The following ZFAND4 variants were observed in gnomAD, a reference collection of about 807,000 sequenced individuals.
ZFAND4 encodes zinc finger AN1-type containing 4.
In ZFAND4, 43 loss-of-function variants were observed where a neutral mutation model predicts 64.4. The observed-to-expected ratio is 0.67, with a 90% CI of 0.52 to 0.86. The LOEUF is 0.86. ZFAND4 is among the 40% of genes least tolerant of loss of function. The pLI is 0.00. For synonymous variants in ZFAND4, 296 were observed against 305.7 expected (o/e 0.97, Z 0.33); for missense variants, 929 against 859.8 (o/e 1.08, Z -1.01).
intron 2 of ZFAND4, among the ~76,000 whole-genome samples, chr10:45,656,967 G>C (rs2048165436): frequency 6.6e-6 from 1 of 151,056 alleles, no homozygotes; most frequent in South Asian, 2.1e-4. Context: ...ATAAACTTCT[G>C]TTGTTTAAGA....
At chr10:45,619,944 A>G (rs2045291897) in intron 8 of ZFAND4, among the ~76,000 whole-genome samples, 1 of 152,188 alleles carries the variant, frequency 6.6e-6, no homozygotes, top group South Asian at 2.1e-4. Flanking sequence ...CATTATTTAA[A>G]GTATTTTTAA....
chr10:45,640,128 A>G, intron 5 of ZFAND4, 165 bp from the exon 6 acceptor site: 1 of 1,284,150 alleles, frequency 7.8e-7, no homozygotes, highest in Non-Finnish European at 1.0e-6. Context: ...TGTACTTCTT[A>G]AAAGAAAAAA....
Position 45,640,497 on chromosome 10 carries a change from AT to A in ZFAND4, c.570-535del, listed in dbSNP as rs536739379. On this transcript the variant is annotated intron_variant, in intron 5 of 9. Transcript: ENST00000344646. ...TTTCTATTCTTAAGGAGCAAAAAAC[AT>A]TTTTTTTTTCTTGAGACAGTCTCAC... The A allele has an allele frequency of 1.1e-3, 1,061 of 1,006,106 alleles. 1 individual carries two copies. Among genetic ancestry groups the A allele is most frequent in the South Asian group, 3.5e-3 (195 of 55,752 alleles). The allele number at this position is 1,006,106 out of a possible 1,614,324, so 62.3% of individuals were successfully genotyped here. A position where few individuals can be genotyped will look rare whatever the true frequency, so the allele number is the denominator to read the frequency against.
chr10:45,663,799 A>G lies in ZFAND4; in HGVS notation c.-74T>C. On this transcript the variant is annotated 5_prime_UTR_variant, in exon 2 of 10. Coordinates refer to ENST00000344646, the MANE Select transcript of ZFAND4 (RefSeq NM_174890.4). ...TCCAGTTCTAGGCAAACCAGGTTTGAAGATTGGTAATATATATTGTTGTTC... is the reference window on the plus strand; with the variant it reads ...TCCAGTTCTAGGCAAACCAGGTTTGGAGATTGGTAATATATATTGTTGTTC... The G allele has an allele frequency of 7.8e-7, 1 of 1,286,690 alleles. No homozygotes were observed. Among genetic ancestry groups the G allele is most frequent in the Non-Finnish European group, 1.1e-6 (1 of 944,352 alleles). The allele number at this position is 1,286,690 out of a possible 1,614,324, so 79.7% of individuals were successfully genotyped here. A position where few individuals can be genotyped will look rare whatever the true frequency, so the allele number is the denominator to read the frequency against.
At chr10:45,663,906 C>T (rs970040148) in intron 1 of ZFAND4, 64 bp from the exon 2 acceptor site, 1 of 497,672 alleles carries the variant, frequency 2.0e-6, no homozygotes, top group Non-Finnish European at 3.4e-6. Flanking sequence ...TAAAGATTTT[C>T]CGTTAACTGT....
intron 8 of ZFAND4, among the ~76,000 whole-genome samples, chr10:45,621,506 G>A (rs112687846): frequency 0.058 from 8,812 of 151,726 alleles, 296 homozygotes; most frequent in Middle Eastern, 0.13. Flanking sequence ...ACTTTGGGAG[G>A]CTGAGGTGGG....
intron 2 of ZFAND4, among the ~76,000 whole-genome samples, chr10:45,661,441 G>A (rs1428778086): frequency 6.6e-6 from 1 of 151,910 alleles, no homozygotes; most frequent in Non-Finnish European, 1.5e-5. Flanking sequence ...CTCCCCACCA[G>A]GCTCTAGTTC....
intron 8 of ZFAND4, chr10:45,620,775 C>T (rs544921444): frequency 6.6e-6 from 1 of 152,290 alleles, no homozygotes; most frequent in South Asian, 2.1e-4. Context: ...CCATGTCATA[C>T]CTACCCCGAA....
At chr10:45,647,168 T>G (rs537250762) in intron 5 of ZFAND4, among the ~76,000 whole-genome samples, 1 of 152,176 alleles carries the variant, frequency 6.6e-6, no homozygotes, top group South Asian at 2.1e-4. Context: ...AATCAGTTGG[T>G]TTTGGGTTCA....
intron 2 of ZFAND4, among the ~76,000 whole-genome samples, chr10:45,659,006 C>T (rs1272255841): frequency 6.6e-6 from 1 of 152,114 alleles, no homozygotes; most frequent in African/African-American, 2.4e-5. Context: ...AGAGTCAGAG[C>T]CAAGATCCAT....
chr10:45,650,740 G>T (rs1432175042), intron 4 of ZFAND4: 1 of 152,054 alleles, frequency 6.6e-6, no homozygotes, highest in African/African-American at 2.4e-5. Flanking sequence ...TAATGGTTCA[G>T]TAAACACAGG....
chr10:45,638,035 A>G (rs550356665), intron 6 of ZFAND4, among the ~76,000 whole-genome samples: 27 of 152,172 alleles, frequency 1.8e-4, no homozygotes, highest in Non-Finnish European at 3.1e-4. Context: ...TGAAAAGTCA[A>G]TATTATTCCT....
At chr10:45,644,658 A>C (rs973850770) in intron 5 of ZFAND4, among the ~76,000 whole-genome samples, 2 of 152,196 alleles carry the variant, frequency 1.3e-5, no homozygotes, top group African/African-American at 4.8e-5. Flanking sequence ...ACAATTTCTC[A>C]AAAAGTTGAT....
In ZFAND4 at chr10:45,640,423, TAAAAAAA is replaced by T. The variant is rs35229531; in HGVS notation, c.570-467_570-461del. 24 of 917,856 alleles carry T rather than the reference TAAAAAAA, an allele frequency of 2.6e-5. No homozygotes were observed. In the East Asian group the frequency reaches 9.4e-4, roughly 36 times the overall value. 56.9% of individuals were successfully genotyped at this position (917,856 alleles called of 1,614,324 possible). On this transcript the variant is annotated intron_variant, in intron 5 of 9. Coordinates refer to ENST00000344646, the MANE Select transcript of ZFAND4 (RefSeq NM_174890.4). ...TTAGTCATCCTGAGGAGATTCTCAC[TAAAAAAA>T]AAAAAAAAAAAAGAATTCATACACA... is the stretch of plus-strand genomic sequence containing the variant.
At chr10:45,623,945 G>T (rs1012934981) in intron 8 of ZFAND4, among the ~76,000 whole-genome samples, 2 of 152,174 alleles carry the variant, frequency 1.3e-5, no homozygotes, top group Admixed American at 1.3e-4. Context: ...TTAAAACCTT[G>T]AGGCTACAAA....
intron 6 of ZFAND4, among the ~76,000 whole-genome samples, chr10:45,634,066 A>G (rs1027294510): frequency 6.6e-6 from 1 of 151,860 alleles, no homozygotes; most frequent in Non-Finnish European, 1.5e-5. Context: ...ATAATCATGT[A>G]AAAGGTGGCC....
intron 5 of ZFAND4, chr10:45,640,555 A>G (rs898551578): frequency 3.5e-6 from 2 of 566,384 alleles, no homozygotes; most frequent in African/African-American, 4.1e-5. Flanking sequence ...CAATGGCACA[A>G]TCTCGGCTCA....
At chr10:45,634,250 C>T (rs557879306) in intron 6 of ZFAND4, among the ~76,000 whole-genome samples, 3 of 152,230 alleles carry the variant, frequency 2.0e-5, no homozygotes, top group East Asian at 1.9e-4. Context: ...CTCAGCCAGG[C>T]GCGGTGGCTC....
At position 45,615,516 on chromosome 10, in the gene ZFAND4, C is replaced by T. The variant is rs1004769261; in HGVS notation, c.*920G>A. On this transcript the variant is annotated 3_prime_UTR_variant, in exon 10 of 10. Transcript: ENST00000344646. Reference sequence around the variant, plus strand: ...GTTATTTTATCCACGTAAAATAAATCACTCATTTAATTAAATAGTTTTATA... The same window carrying T: ...GTTATTTTATCCACGTAAAATAAATTACTCATTTAATTAAATAGTTTTATA... 9.2e-5 allele frequency: 14 copies of T among 151,806 alleles called. No individual in the cohort carries two copies. Among genetic ancestry groups the T allele is most frequent in the Non-Finnish European group, 1.9e-4 (13 of 67,920 alleles). 9.4% of individuals were successfully genotyped at this position (151,806 alleles called of 1,614,324 possible).
Sources: allele counts gnomAD v4.1 joint callset (sites outside exome capture counted in the v4.1 genomes callset), GRCh38; gene constraint gnomAD v4.1.1; transcripts MANE v1.5; gene names NCBI Gene and HGNC (gene_info 2026-07-23, HGNC 2026-07-21).